The following BICDL1 variants were observed in gnomAD, a reference collection of about 807,000 sequenced individuals.
BICDL1 encodes the protein BICD family-like cargo adapter 1.
BICDL1 carries 20 observed loss-of-function variants against 76.8 expected under a neutral mutation model. The ratio of observed to expected loss-of-function variants is 0.26; its 90% CI spans 0.18 to 0.38. The LOEUF (loss-of-function observed/expected upper bound fraction) is 0.38. Ranked by LOEUF, BICDL1 falls within the 10% of genes least tolerant of loss-of-function variation. The pLI, the probability that BICDL1 is intolerant of heterozygous loss-of-function variation, is 1.00. For missense variants in BICDL1, 700 were observed against 798.6 expected, an observed-to-expected ratio of 0.88 and a Z score of 1.49; for synonymous variants, 383 against 337.1, an observed-to-expected ratio of 1.14 and a Z score of -1.49.
intron 2 of BICDL1, among the ~76,000 whole-genome samples, chr12:120,020,273 A>G (rs2138707556): frequency 6.6e-6 from 1 of 152,360 alleles, no homozygotes; most frequent in African/African-American, 2.4e-5. Flanking sequence ...GAACTAATGG[A>G]GTTGTGTCAA....
chr12:120,034,631 A>G (rs1952495484), intron 2 of BICDL1, among the ~76,000 whole-genome samples: 1 of 152,230 alleles, frequency 6.6e-6, no homozygotes, highest in African/African-American at 2.4e-5. Flanking sequence ...AGGAGTTAGC[A>G]TGGCTTAACT....
In BICDL1 at chr12:120,079,145, C is replaced by T. The variant is rs1284415974; in HGVS notation, c.1453-1742C>T. ...TTTGGGCTGTTCTCAGTACAGAGCA[C>T]CCGGCCCTGATGTTTCCTGCTAGAC... On this transcript the variant is annotated intron_variant, in intron 7 of 9. Transcript: ENST00000548673. This position sits in a 1 kb window ranked among gnomAD's most constrained non-coding sequence, Gnocchi z 4.3. Among the ~76,000 whole-genome samples, 1 of 152,212 alleles carries T rather than the reference C, an allele frequency of 6.6e-6. No homozygotes were observed. The highest frequency in any genetic ancestry group is 2.4e-5 in the African/African-American group (1 of 41,450).
intron 2 of BICDL1, among the ~76,000 whole-genome samples, chr12:120,028,435 G>A (rs985892750): frequency 2.1e-4 from 32 of 152,012 alleles, no homozygotes; most frequent in Non-Finnish European, 8.8e-5. Context: ...AGCACCTTGA[G>A]AGGCCAAGGC....
chr12:120,076,249 G>A (rs576633648), intron 7 of BICDL1, among the ~76,000 whole-genome samples: 49 of 152,272 alleles, frequency 3.2e-4, no homozygotes, highest in African/African-American at 1.1e-3. Flanking sequence ...GTTCTTCAGC[G>A]GGTAATTTGG....
intron 2 of BICDL1, among the ~76,000 whole-genome samples, chr12:120,053,573 G>A (rs930278151): frequency 1.3e-5 from 2 of 152,190 alleles, no homozygotes; most frequent in African/African-American, 4.8e-5. Flanking sequence ...ATTGACTCCT[G>A]TGTCAACCAT....
At chr12:120,043,781 G>A (rs1952692231) in intron 2 of BICDL1, among the ~76,000 whole-genome samples, 1 of 152,172 alleles carries the variant, frequency 6.6e-6, no homozygotes, top group East Asian at 1.9e-4. Flanking sequence ...CCTCACTTAA[G>A]GTGTTCAGAT....
chr12:120,092,588 G>T, intron 9 of BICDL1: 2 of 985,472 alleles, frequency 2.0e-6, no homozygotes, highest in Non-Finnish European at 2.4e-6. Flanking sequence ...GGTGGCCCTA[G>T]GGCCTGCCGG....
At chr12:119,992,713 G>A (rs1330815861) in intron 1 of BICDL1, 9 of 152,080 alleles carry the variant, frequency 5.9e-5, no homozygotes, top group Admixed American at 5.9e-4. Context: ...AAACACTTGG[G>A]AGTATAAAAC....
At chr12:120,067,053 C>A (rs1953236243) in intron 4 of BICDL1, among the ~76,000 whole-genome samples, 1 of 152,184 alleles carries the variant, frequency 6.6e-6, no homozygotes, top group Admixed American at 6.5e-5. Context: ...AACAACTGAT[C>A]AAATCCAACT....
At chr12:120,075,401 T>A (rs1873459213) in intron 7 of BICDL1, among the ~76,000 whole-genome samples, 1 of 152,066 alleles carries the variant, frequency 6.6e-6, no homozygotes, top group South Asian at 2.1e-4. Flanking sequence ...TTTTTTTTTT[T>A]TTATTTCTTT....
At chr12:120,011,262 C>A (rs1951947169) in intron 2 of BICDL1, among the ~76,000 whole-genome samples, 1 of 152,184 alleles carries the variant, frequency 6.6e-6, no homozygotes, top group South Asian at 2.1e-4. Flanking sequence ...AGAGCTCAGT[C>A]ACATGGCCAT....
intron 2 of BICDL1, among the ~76,000 whole-genome samples, chr12:120,029,432 G>A (rs114098269): frequency 6.5e-4 from 99 of 152,134 alleles, no homozygotes; most frequent in African/African-American, 2.2e-3. Flanking sequence ...CATGGACCCC[G>A]AATTGAAATG....
chr12:119,995,830 C>CA (rs1951632145), intron 1 of BICDL1, among the ~76,000 whole-genome samples: 1 of 151,718 alleles, frequency 6.6e-6, no homozygotes, highest in South Asian at 2.1e-4. Context: ...ACTAAAAATA[C>CA]AAAAAATTAG....
At chr12:120,047,327 G>T (rs1952768264) in intron 2 of BICDL1, among the ~76,000 whole-genome samples, 1 of 152,036 alleles carries the variant, frequency 6.6e-6, no homozygotes, top group South Asian at 2.1e-4. Flanking sequence ...ATTTGTTTTT[G>T]ACTTAAAAAG....
chr12:120,039,355 A>G (rs1284570089), intron 2 of BICDL1, among the ~76,000 whole-genome samples: 2 of 151,058 alleles, frequency 1.3e-5, no homozygotes, highest in Non-Finnish European at 3.0e-5. Flanking sequence ...AAAAGGCTTC[A>G]TGGGCCGAGC....
intron 2 of BICDL1, among the ~76,000 whole-genome samples, chr12:120,044,746 G>A (rs951493656): frequency 1.2e-4 from 19 of 152,038 alleles, no homozygotes; most frequent in Middle Eastern, 3.4e-3. Flanking sequence ...TGAGGGCTCT[G>A]TTCTGTTCCA....
chr12:120,005,456 C>T (rs1295268279), intron 2 of BICDL1, among the ~76,000 whole-genome samples: 1 of 152,196 alleles, frequency 6.6e-6, no homozygotes, highest in Non-Finnish European at 1.5e-5. Flanking sequence ...ACACTGCAAC[C>T]TCCACCTCCT....
chr12:119,999,806 T>C (rs1326395330), intron 2 of BICDL1: 1 of 443,838 alleles, frequency 2.3e-6, no homozygotes, highest in African/African-American at 2.0e-5. Flanking sequence ...CCTTCTTGTA[T>C]ATTGAAAATA....
chr12:120,088,720 G>A (rs993563427), intron 8 of BICDL1, among the ~76,000 whole-genome samples: 10 of 151,464 alleles, frequency 6.6e-5, no homozygotes, highest in Non-Finnish European at 1.3e-4. Flanking sequence ...AGGCTGCAGT[G>A]CAGTGGCGCG....
Sources: allele counts gnomAD v4.1 joint callset (sites outside exome capture counted in the v4.1 genomes callset), GRCh38; gene constraint gnomAD v4.1.1; non-coding constraint Gnocchi (gnomAD v3.1); transcripts MANE v1.5; gene names NCBI Gene and HGNC (gene_info 2026-07-23, HGNC 2026-07-21).